ANKRD52: variants seen among roughly 807,000 people sequenced by gnomAD.
ANKRD52 encodes the protein ankyrin repeat domain 52.
ANKRD52 carries 7 observed loss-of-function variants against 116.0 expected under a neutral mutation model. The observed-to-expected ratio is 0.06, with a 90% CI of 0.03 to 0.11. The LOEUF (loss-of-function observed/expected upper bound fraction) is 0.11, where lower values mean the gene tolerates loss of function less well. ANKRD52 is among the 10% of genes least tolerant of loss of function. The probability of loss-of-function intolerance (pLI) is 1.00; values close to 1 mark genes in which losing one functional copy is unlikely to be tolerated. For missense variants in ANKRD52, 839 were observed against 1,408.6 expected (o/e 0.60, Z 6.47); for synonymous variants, 528 against 578.1 (o/e 0.91, Z 1.24).
Position 56,243,695 on chromosome 12 carries a change from C to T in ANKRD52, c.2980+90G>A, listed in dbSNP as rs75420081. On this transcript the variant is annotated intron_variant, in intron 27 of 27. Transcript: ENST00000267116. This position sits in a 1 kb window ranked among gnomAD's most constrained non-coding sequence, Gnocchi z 4.6. ...TGAAGAGTTCCCTTGGGAAGAAAAT[C>T]CCATGTATAGCAAGATTAAGAAGTC... The T allele has an allele frequency of 1.5e-3, 2,015 of 1,343,336 alleles. 4 individuals carry two copies. Among genetic ancestry groups the T allele is most frequent in the Non-Finnish European group, 1.9e-3 (1,844 of 967,682 alleles). 83.2% of individuals were successfully genotyped at this position (1,343,336 alleles called of 1,614,324 possible).
rs542938068 is a variant in ANKRD52 at position 56,254,031 on chromosome 12, G to A, written c.906+36C>T. 6.9e-6 allele frequency: 11 copies of A among 1,584,142 alleles called. No individual in the cohort carries two copies. Among genetic ancestry groups the A allele is most frequent in the African/African-American group, 6.7e-5 (5 of 74,282 alleles). On this transcript the variant is annotated intron_variant, in intron 8 of 27. Transcript: ENST00000267116. The surrounding 1 kb of genome is among the most constrained non-coding windows in gnomAD (Gnocchi z 4.6). ...GTCAGGACCCCTAGATCCAAGTTTC[G>A]CTCCCCACTGGTCTAAGCCTTATCC... is the stretch of plus-strand genomic sequence containing the variant.
Position 56,255,011 on chromosome 12 carries a change from A to G in ANKRD52, c.463-59T>C, listed in dbSNP as rs1871880826. The stretch of plus-strand genomic sequence containing the variant: ...CTAGATTCGTGCCCTCAACCTACCT[A>G]AGAGCAGAGGCCTCATCTCCTGAAA... On this transcript the variant is annotated intron_variant, in intron 5 of 27. Coordinates refer to ENST00000267116, the MANE Select transcript of ANKRD52 (RefSeq NM_173595.4). This position sits in a 1 kb window ranked among gnomAD's most constrained non-coding sequence, Gnocchi z 4.3. 2.6e-6 allele frequency: 4 copies of G among 1,545,458 alleles called. No individual in the cohort carries two copies. Among genetic ancestry groups the G allele is most frequent in the Admixed American group, 1.7e-5 (1 of 59,390 alleles).
chr12:56,248,125 T>C lies in ANKRD52; in HGVS notation c.1876A>G (p.Thr626Ala). Reference sequence around the variant, plus strand: ...ACACACTCAGTAGAGCCGCGCTCCGTGGCCAGGAAGAGTGCGGTCCGGCCC... The same window carrying C: ...ACACACTCAGTAGAGCCGCGCTCCGCGGCCAGGAAGAGTGCGGTCCGGCCC... ...HKGRTALFLA[T>A]ERGSTECVEV... The change falls in exon 18 of 28, where the codon ACG (threonine) becomes GCG (alanine). Residue 626 changes from threonine (T) to alanine (A), a missense_variant. Physicochemically the swap from Thr to Ala is moderately conservative, Grantham distance 58 (BLOSUM62 0). This residue lies in a region of ANKRD52 where 552 missense variants were observed against 810.6 expected (regional missense o/e 0.68). Transcript: ENST00000267116. The surrounding 1 kb of genome is among the most constrained non-coding windows in gnomAD (Gnocchi z 5.1). The C allele has an allele frequency of 6.2e-7, 1 of 1,613,860 alleles. No homozygotes were observed. The highest frequency in any genetic ancestry group is 8.5e-7 in the Non-Finnish European group (1 of 1,179,898).
In ANKRD52 at chr12:56,238,026, G is replaced by A. The variant is rs1443109620; in HGVS notation, c.*5116C>T. 2 of 321,636 alleles carry A rather than the reference G, an allele frequency of 6.2e-6. No homozygotes were observed. Among genetic ancestry groups the A allele is most frequent in the Non-Finnish European group, 1.1e-5 (2 of 176,156 alleles). 19.9% of individuals were successfully genotyped at this position (321,636 alleles called of 1,614,324 possible). ...AGGGGAGGGGTGGGGCAAATGCACC[G>A]AGGTCCCCACTTTTTCCTGCTGCCC... On this transcript the variant is annotated 3_prime_UTR_variant, in exon 28 of 28. Coordinates refer to ENST00000267116, the MANE Select transcript of ANKRD52 (RefSeq NM_173595.4).
chr12:56,248,600 TG>T lies in ANKRD52; in HGVS notation c.1705-35del, dbSNP rs779738424. The T allele has an allele frequency of 1.3e-6, 2 of 1,559,930 alleles. No individual in the cohort carries two copies. Among genetic ancestry groups the T allele is most frequent in the Non-Finnish European group, 1.7e-6 (2 of 1,148,678 alleles). On this transcript the variant is annotated intron_variant, in intron 16 of 27. Coordinates refer to ENST00000267116, the MANE Select transcript of ANKRD52 (RefSeq NM_173595.4). This position sits in a 1 kb window ranked among gnomAD's most constrained non-coding sequence, Gnocchi z 5.1. ...GACAGGAAAGTAGGTGCTGAGACTCTGGAACTCCCAAGATAGTACCCCAGTC... is the reference window on the plus strand; with the variant it reads ...GACAGGAAAGTAGGTGCTGAGACTCTGAACTCCCAAGATAGTACCCCAGTC...
Position 56,247,452 on chromosome 12 carries a change from G to C in ANKRD52, c.2184+41C>G, listed in dbSNP as rs960525198. The stretch of plus-strand genomic sequence containing the variant: ...CTGGTGAGTCCCATGCTCCCACACT[G>C]AGGCCCATGTGCAAACAATCCCCCC... On this transcript the variant is annotated intron_variant, in intron 20 of 27. Coordinates refer to ENST00000267116, the MANE Select transcript of ANKRD52 (RefSeq NM_173595.4). The C allele has an allele frequency of 5.3e-6, 8 of 1,496,506 alleles. No individual in the cohort carries two copies. The East Asian group carries it at 2.0e-4, about 37-fold the overall frequency. 92.7% of individuals were successfully genotyped at this position (1,496,506 alleles called of 1,614,324 possible). A position where few individuals can be genotyped will look rare whatever the true frequency, so the allele number is the denominator to read the frequency against.
At chr12:56,247,358 A>G in intron 20 of ANKRD52, 135 bp downstream of exon 20, 1 of 762,318 alleles carries the variant, frequency 1.3e-6, no homozygotes, top group Non-Finnish European at 2.1e-6. Flanking sequence ...AAAAAAAAAA[A>G]AAAAAAGAAA....
At chr12:56,249,422 T>C (rs575371601) in intron 15 of ANKRD52, among the ~76,000 whole-genome samples, 1 of 152,314 alleles carries the variant, frequency 6.6e-6, no homozygotes, top group East Asian at 1.9e-4. Context: ...AAGTACTTCA[T>C]GTATATTAAA....
In ANKRD52 at chr12:56,244,817, G is replaced by A. The variant is rs1041055836; in HGVS notation, c.2577-20C>T. ...GGGGTCCTGTAAGGCAGGGATCAGG[G>A]TAGATTAAAATAGGGAAGAGTATAC... On this transcript the variant is annotated intron_variant, in intron 23 of 27. Coordinates refer to ENST00000267116, the MANE Select transcript of ANKRD52 (RefSeq NM_173595.4). The surrounding 1 kb of genome is among the most constrained non-coding windows in gnomAD (Gnocchi z 4.9). The A allele has an allele frequency of 1.9e-6, 3 of 1,613,732 alleles. No individual in the cohort carries two copies. Among genetic ancestry groups the A allele is most frequent in the East Asian group, 2.2e-5 (1 of 44,882 alleles).
At position 56,244,649 on chromosome 12, in the gene ANKRD52, C is replaced by T. The variant is rs1200083968; in HGVS notation, c.2722+3G>A. On this transcript the variant is annotated splice_donor_region_variant and intron_variant, in intron 24 of 27. Coordinates refer to ENST00000267116, the MANE Select transcript of ANKRD52 (RefSeq NM_173595.4). The surrounding 1 kb of genome is among the most constrained non-coding windows in gnomAD (Gnocchi z 4.9). ...CTCCCTTCCACAAGTGGCCCCTACA[C>T]ACCCACAGCAGCGGTCTGCCCGTTC... 4 of 1,613,640 alleles carry T rather than the reference C, an allele frequency of 2.5e-6. No individual in the cohort carries two copies. Among genetic ancestry groups the T allele is most frequent in the Non-Finnish European group, 3.4e-6 (4 of 1,179,884 alleles).
chr12:56,239,113 T>C lies in ANKRD52; in HGVS notation c.*4029A>G, dbSNP rs1395459180. On this transcript the variant is annotated 3_prime_UTR_variant, in exon 28 of 28. Coordinates refer to ENST00000267116, the MANE Select transcript of ANKRD52 (RefSeq NM_173595.4). ...CACACCTAAGTGGGCAACAGCAGCC[T>C]TGGAGTCAGTACCTTCAAGTAATTC... 1.3e-5 allele frequency: 2 copies of C among 152,348 alleles called. No individual in the cohort carries two copies. The highest frequency in any genetic ancestry group is 2.1e-4 in the South Asian group (1 of 4,832). 9.4% of individuals were successfully genotyped at this position (152,348 alleles called of 1,614,324 possible).
Position 56,248,368 on chromosome 12 carries a change from C to A in ANKRD52, c.1776+127G>T, listed in dbSNP as rs978522410. The A allele has an allele frequency of 1.4e-6, 2 of 1,402,706 alleles. No homozygotes were observed. Among genetic ancestry groups the A allele is most frequent in the Admixed American group, 1.9e-5 (1 of 51,676 alleles). The allele number at this position is 1,402,706 out of a possible 1,614,324, so 86.9% of individuals were successfully genotyped here. A position where few individuals can be genotyped will look rare whatever the true frequency, so the allele number is the denominator to read the frequency against. On this transcript the variant is annotated intron_variant, in intron 17 of 27. Transcript: ENST00000267116. This position sits in a 1 kb window ranked among gnomAD's most constrained non-coding sequence, Gnocchi z 5.1. ...GGGCCCCTTAAGGCTTCCTACCCTG[C>A]ACTGTGCTTATCCCCTCTCCCACAA...
At chr12:56,250,922 A>G (rs1239473139) in intron 15 of ANKRD52, among the ~76,000 whole-genome samples, 1 of 151,840 alleles carries the variant, frequency 6.6e-6, no homozygotes, top group African/African-American at 2.4e-5. Context: ...TCCTTTTTAA[A>G]TTTTTATTTA....
chr12:56,257,556 C>T (rs563752963), intron 2 of ANKRD52, among the ~76,000 whole-genome samples, 195 bp from the exon 3 acceptor site: 1 of 152,102 alleles, frequency 6.6e-6, no homozygotes, highest in Admixed American at 6.6e-5. Flanking sequence ...GGCTGAGAAG[C>T]CGGCTCCTTT....
Position 56,248,397 on chromosome 12 carries a change from G to A in ANKRD52, c.1776+98C>T. 4 of 1,454,110 alleles carry A rather than the reference G, an allele frequency of 2.8e-6. No homozygotes were observed. Among genetic ancestry groups the A allele is most frequent in the Non-Finnish European group, 3.8e-6 (4 of 1,057,144 alleles). The allele number at this position is 1,454,110 out of a possible 1,614,324, so 90.1% of individuals were successfully genotyped here. The stretch of plus-strand genomic sequence containing the variant: ...GTGCTTATCCCCTCTCCCACAAAAA[G>A]GCAGAAGGAAGGATAACTTCACAAG... On this transcript the variant is annotated intron_variant, in intron 17 of 27. Coordinates refer to ENST00000267116, the MANE Select transcript of ANKRD52 (RefSeq NM_173595.4). This position sits in a 1 kb window ranked among gnomAD's most constrained non-coding sequence, Gnocchi z 5.1.
rs928188636 is a variant in ANKRD52 at position 56,256,894 on chromosome 12, C to T, written c.261+121G>A. The T allele has an allele frequency of 4.6e-6, 5 of 1,094,380 alleles. No individual in the cohort carries two copies. The African/African-American group carries it at 8.0e-5, about 17-fold the overall frequency. 67.8% of individuals were successfully genotyped at this position (1,094,380 alleles called of 1,614,324 possible). A position where few individuals can be genotyped will look rare whatever the true frequency, so the allele number is the denominator to read the frequency against. Reference sequence around the variant, plus strand: ...TAGGAGGAAGGGGCCAAGATTTGATCTCCTCACTACCTGGGGTAGAACAGC... The same window carrying T: ...TAGGAGGAAGGGGCCAAGATTTGATTTCCTCACTACCTGGGGTAGAACAGC... On this transcript the variant is annotated intron_variant, in intron 4 of 27. Coordinates refer to ENST00000267116, the MANE Select transcript of ANKRD52 (RefSeq NM_173595.4).
chr12:56,255,049 C>T lies in ANKRD52; in HGVS notation c.463-97G>A. The T allele has an allele frequency of 7.7e-7, 1 of 1,295,864 alleles. No individual in the cohort carries two copies. Among genetic ancestry groups the T allele is most frequent in the Non-Finnish European group, 1.1e-6 (1 of 913,316 alleles). The allele number at this position is 1,295,864 out of a possible 1,614,324, so 80.3% of individuals were successfully genotyped here. A position where few individuals can be genotyped will look rare whatever the true frequency, so the allele number is the denominator to read the frequency against. On this transcript the variant is annotated intron_variant, in intron 5 of 27. Transcript: ENST00000267116. This position sits in a 1 kb window ranked among gnomAD's most constrained non-coding sequence, Gnocchi z 4.3. Reference sequence around the variant, plus strand: ...TCATCTCCTGAAAAGGCTGAGGCAGCCTAATGCCTTTTTCCATGAGCAAAA... The same window carrying T: ...TCATCTCCTGAAAAGGCTGAGGCAGTCTAATGCCTTTTTCCATGAGCAAAA...
chr12:56,253,209 T>C lies in ANKRD52; in HGVS notation c.1100+79A>G. The C allele has an allele frequency of 6.7e-7, 1 of 1,501,672 alleles. No homozygotes were observed. Among genetic ancestry groups the C allele is most frequent in the South Asian group, 1.2e-5 (1 of 83,126 alleles). 93.0% of individuals were successfully genotyped at this position (1,501,672 alleles called of 1,614,324 possible). A position where few individuals can be genotyped will look rare whatever the true frequency, so the allele number is the denominator to read the frequency against. ...TCTCCAAGGTGCCCTTTGGCAAGCT[T>C]ATCTGTGCCTCCATGGTTGATGTGA... On this transcript the variant is annotated intron_variant, in intron 10 of 27. Transcript: ENST00000267116. The surrounding 1 kb of genome is among the most constrained non-coding windows in gnomAD (Gnocchi z 5.5).
chr12:56,255,928 C>G lies in ANKRD52; in HGVS notation c.318G>C (p.Leu106=). The change falls in exon 5 of 28, where the codon CTG becomes CTC. Residue 106 remains leucine (L), a synonymous_variant. Transcript: ENST00000267116. This position sits in a 1 kb window ranked among gnomAD's most constrained non-coding sequence, Gnocchi z 4.3. ...CAGCCACATGCAGTGGTGTCTGCCACAGCTTGTCCCGGGCATTCACATCTG... is the reference window on the plus strand; with the variant it reads ...CAGCCACATGCAGTGGTGTCTGCCAGAGCTTGTCCCGGGCATTCACATCTG... ...HSADVNARDK[L]WQTPLHVAAA... is the part of the protein sequence containing the mutation. The G allele has an allele frequency of 6.3e-7, 1 of 1,575,118 alleles. No individual in the cohort carries two copies. The highest frequency in any genetic ancestry group is 8.6e-7 in the Non-Finnish European group (1 of 1,159,142).
Sources: gnomAD v4.1 joint callset for allele counts (sites outside exome capture counted in the v4.1 genomes callset) on GRCh38, gnomAD v4.1.1 for gene constraint, gnomAD v4.1.1 regional missense constraint, Gnocchi (gnomAD v3.1) non-coding constraint, MANE v1.5 for transcripts, NCBI Gene and HGNC (gene_info 2026-07-23, HGNC 2026-07-21) for gene names.